The following RBFOX1 variants were observed in gnomAD, a reference collection of about 807,000 sequenced individuals.
RBFOX1 encodes the protein RNA binding fox-1 homolog 1, also known as RNA binding protein fox-1 homolog 1.
A neutral mutation model predicts 57.7 loss-of-function variants in RBFOX1; 8 were observed. The observed-to-expected ratio is 0.14, with a 90% CI of 0.08 to 0.25. RBFOX1 has a LOEUF of 0.25. RBFOX1 is among the 10% of genes least tolerant of loss of function. RBFOX1 has a pLI of 1.00. For synonymous variants in RBFOX1, 326 were observed against 222.4 expected, an observed-to-expected ratio of 1.47 and a Z score of -4.15; for missense variants, 611 against 548.5, an observed-to-expected ratio of 1.11 and a Z score of -1.14.
At chr16:7,109,141 G>A (rs140553688) in intron 4 of RBFOX1, among the ~76,000 whole-genome samples, 8 of 152,174 alleles carry the variant, frequency 5.3e-5, no homozygotes, top group African/African-American at 1.4e-4. Context: ...TTTCCAAGGT[G>A]AATGTACTGG....
intron 4 of RBFOX1, among the ~76,000 whole-genome samples, chr16:7,411,735 C>T (rs9923811): frequency 4.6e-5 from 7 of 152,088 alleles, no homozygotes; most frequent in African/African-American, 1.7e-4. Flanking sequence ...GAAACCCCGT[C>T]TCTATTAAAA....
At chr16:7,650,112 A>AGAAG (rs768591747) in intron 11 of RBFOX1, among the ~76,000 whole-genome samples, 34 of 95,150 alleles carry the variant, frequency 3.6e-4, no homozygotes, top group Middle Eastern at 4.7e-3. Flanking sequence ...AGCAAGTATA[A>AGAAG]GAAGGAAGGA....
intron 3 of RBFOX1, among the ~76,000 whole-genome samples, chr16:6,916,808 T>A (rs1312141025): frequency 6.6e-6 from 1 of 152,194 alleles, no homozygotes; most frequent in East Asian, 1.9e-4. Flanking sequence ...AACTTCGAAG[T>A]TTGAATTTGT....
chr16:7,609,344 G>A (rs147163934), intron 10 of RBFOX1, among the ~76,000 whole-genome samples: 112 of 152,258 alleles, frequency 7.4e-4, no homozygotes, highest in African/African-American at 2.5e-3. Context: ...GGTCTATTAA[G>A]CAGGAAAATA....
intron 4 of RBFOX1, among the ~76,000 whole-genome samples, chr16:7,149,720 C>G (rs372174081): frequency 1.3e-5 from 2 of 151,954 alleles, no homozygotes; most frequent in South Asian, 4.2e-4. Context: ...CCTCCTGTGG[C>G]TCTTTCCTTC....
At chr16:6,006,957 T>C (rs1465720850) in intron 4 of RBFOX1, among the ~76,000 whole-genome samples, 1 of 152,174 alleles carries the variant, frequency 6.6e-6, no homozygotes, top group Non-Finnish European at 1.5e-5. Flanking sequence ...CATGTAGGAT[T>C]ATATCTCACT....
At chr16:7,476,255 G>C (rs927025529) in intron 4 of RBFOX1, among the ~76,000 whole-genome samples, 1 of 152,220 alleles carries the variant, frequency 6.6e-6, no homozygotes, top group Non-Finnish European at 1.5e-5. Context: ...TTACAGGCAT[G>C]AGCCATAACT....
chr16:6,627,439 C>A (rs113478961), intron 2 of RBFOX1, among the ~76,000 whole-genome samples: 2 of 151,978 alleles, frequency 1.3e-5, no homozygotes, highest in Non-Finnish European at 2.9e-5. Flanking sequence ...GAAAAGTTAC[C>A]CATCAGAAAA....
intron 1 of RBFOX1, among the ~76,000 whole-genome samples, chr16:6,166,492 A>G (rs2096918282): frequency 6.6e-6 from 1 of 151,886 alleles, no homozygotes; most frequent in South Asian, 2.1e-4. Context: ...CCCTCCTTCC[A>G]TCACATATCT....
chr16:6,790,479 A>T (rs188128443), intron 3 of RBFOX1, among the ~76,000 whole-genome samples: 9 of 152,144 alleles, frequency 5.9e-5, no homozygotes, highest in African/African-American at 1.9e-4. Flanking sequence ...GGCACTGGGC[A>T]TGGCGCCCTC....
intron 3 of RBFOX1, among the ~76,000 whole-genome samples, chr16:5,814,961 A>T (rs66912256): frequency 0.6 from 91,107 of 151,150 alleles, 28,640 homozygotes; most frequent in South Asian, 0.71. Context: ...AAAAAAAAAA[A>T]ATTTTATTCC....
chr16:7,664,021 G>C (rs1597573933), intron 12 of RBFOX1, among the ~76,000 whole-genome samples: 2 of 152,286 alleles, frequency 1.3e-5, no homozygotes, highest in Middle Eastern at 3.4e-3. Context: ...GTGGCAATCA[G>C]AGAGCTGCTA....
At chr16:7,709,447 CTTTTTTTT>C in intron 15 of RBFOX1, 2 of 1,309,536 alleles carry the variant, frequency 1.5e-6, no homozygotes, top group Non-Finnish European at 2.0e-6. Context: ...CAATGCAGAA[CTTTTTTTT>C]TTCTTTTTTT....
chr16:6,317,111 TC>T, intron 2 of RBFOX1, 54 bp downstream of exon 2: 1 of 1,443,356 alleles, frequency 6.9e-7, no homozygotes, highest in South Asian at 1.2e-5. Context: ...ATGTCTTTGA[TC>T]CTGTTCTCTC....
At chr16:5,480,640 G>A (rs2069506333) in intron 2 of RBFOX1, among the ~76,000 whole-genome samples, 1 of 152,230 alleles carries the variant, frequency 6.6e-6, no homozygotes, top group African/African-American at 2.4e-5. Context: ...CTATGCTAGT[G>A]TGTATGTGAG....
chr16:5,356,484 T>A (rs1219185061), intron 1 of RBFOX1, among the ~76,000 whole-genome samples: 1 of 152,204 alleles, frequency 6.6e-6, no homozygotes. Context: ...TGAGGACCAT[T>A]GGTTGCTTGT....
chr16:5,970,347 A>G (rs1317284844), intron 4 of RBFOX1, among the ~76,000 whole-genome samples: 1 of 152,142 alleles, frequency 6.6e-6, no homozygotes, highest in Non-Finnish European at 1.5e-5. Context: ...AATTCTAAAT[A>G]TTAAACACGT....
chr16:5,463,149 C>T (rs1474866569), intron 1 of RBFOX1, among the ~76,000 whole-genome samples: 1 of 152,184 alleles, frequency 6.6e-6, no homozygotes, highest in African/African-American at 2.4e-5. Flanking sequence ...CCTGGTTGTA[C>T]TTCCAGGGTT....
intron 2 of RBFOX1, among the ~76,000 whole-genome samples, chr16:6,648,979 ACTTT>A (rs769435282): frequency 6.6e-6 from 1 of 152,088 alleles, no homozygotes; most frequent in Non-Finnish European, 1.5e-5. Context: ...CATAACATCT[ACTTT>A]CTTAGCAATT....
Sources: allele counts gnomAD v4.1 joint callset (sites outside exome capture counted in the v4.1 genomes callset), GRCh38; gene constraint gnomAD v4.1.1; transcripts MANE v1.5; gene names NCBI Gene and HGNC (gene_info 2026-07-23, HGNC 2026-07-21).